Variants in ARHGAP23 observed in about 807,000 individuals in gnomAD.
ARHGAP23 encodes the protein Rho GTPase activating protein 23.
Under a neutral mutation model 136.3 loss-of-function variants are expected in ARHGAP23, and 34 were observed. The observed-to-expected ratio is 0.25, with a 90% CI of 0.19 to 0.33. The LOEUF (loss-of-function observed/expected upper bound fraction) is 0.33, where lower values mean the gene tolerates loss of function less well. Among genes scored for constraint, ARHGAP23 ranks in the 10% least tolerant of loss-of-function variants. ARHGAP23 has a pLI of 1.00. For missense variants in ARHGAP23, 1,808 were observed against 2,139.0 expected (o/e 0.85, Z 3.05); for synonymous variants, 832 against 920.5 (o/e 0.90, Z 1.74).
chr17:38,482,620 T>A lies in ARHGAP23; in HGVS notation c.2849T>A (p.Val950Glu). 1 of 1,549,654 alleles carries A rather than the reference T, an allele frequency of 6.5e-7. No homozygotes were observed. Among genetic ancestry groups the A allele is most frequent in the Non-Finnish European group, 8.7e-7 (1 of 1,146,688 alleles). Residue 950 changes from valine to glutamate, a missense_variant, in exon 16 of 24, where the codon GTG becomes GAG. By Grantham distance (121) the Val-to-Glu change is moderately radical. This residue lies in a region of ARHGAP23 where 105 missense variants were observed against 200.6 expected (regional missense o/e 0.52). Transcript: ENST00000622683. ...IYRVPGNNAV[V>E]SSLQEQLNRG... is the part of the protein sequence containing the mutation. The stretch of plus-strand genomic sequence containing the variant: ...CGAGTGCCCGGCAACAATGCAGTGG[T>A]GTCCAGCCTACAGGAGCAGCTCAAC...
At chr17:38,485,916 G>A in intron 16 of ARHGAP23, 146 bp from the exon 17 acceptor site, 1 of 698,746 alleles carries the variant, frequency 1.4e-6, no homozygotes, top group Non-Finnish European at 2.4e-6. Context: ...CAGTTCTGCT[G>A]CCACCATCCT....
intron 1 of ARHGAP23, among the ~76,000 whole-genome samples, chr17:38,420,007 C>T (rs1193118580): frequency 6.6e-6 from 1 of 152,166 alleles, no homozygotes; most frequent in African/African-American, 2.4e-5. Flanking sequence ...TCCAAATGCA[C>T]CCCAAAGGCA....
chr17:38,419,336 C>T (rs1315501063), exon 1 of ARHGAP23: 2 of 151,824 alleles, frequency 1.3e-5, no homozygotes, highest in South Asian at 4.0e-4. Context: ...GAGGGGCCGC[C>T]TCCCCCTGCG....
At chr17:38,469,482 C>A (rs1276965561) in intron 8 of ARHGAP23, 42 bp from the exon 9 acceptor site, 7 of 1,528,904 alleles carry the variant, frequency 4.6e-6, no homozygotes, top group Non-Finnish European at 6.2e-6. Flanking sequence ...CCCTGACCTG[C>A]TGCCCCGCTG....
At chr17:38,507,787 G>A (rs527584072) in intron 23 of ARHGAP23, among the ~76,000 whole-genome samples, 5 of 152,318 alleles carry the variant, frequency 3.3e-5, no homozygotes, top group African/African-American at 1.2e-4. Flanking sequence ...GGAGCCACAT[G>A]CCTGTGACTC....
At position 38,510,902 on chromosome 17, in the gene ARHGAP23, G is replaced by A. The variant is rs1355179208; in HGVS notation, c.4406G>A (p.Gly1469Glu). The part of the protein sequence containing the change: ...SSAASQPPAP[G>E]DTGSLQSQPP... ...GCTGCCTCGCAGCCGCCCGCGCCCG[G>A]GGACACGGGGTCCCTGCAGAGCCAG... Residue 1469 changes from glycine (G) to glutamate (E), a missense_variant, in exon 24 of 24, where the codon GGG (glycine) becomes GAG (glutamate). By Grantham distance (98) the Gly-to-Glu change is moderately conservative. This residue lies in a region of ARHGAP23 where 506 missense variants were observed against 455.8 expected (regional missense o/e 1.11). Coordinates refer to ENST00000622683, the MANE Select transcript of ARHGAP23 (RefSeq NM_001199417.2). This position sits in a 1 kb window ranked among gnomAD's most constrained non-coding sequence, Gnocchi z 4.6. 22 of 1,490,646 alleles carry A rather than the reference G, an allele frequency of 1.5e-5. No individual in the cohort carries two copies. The highest frequency in any genetic ancestry group is 1.9e-5 in the Non-Finnish European group (21 of 1,129,206). 92.3% of individuals were successfully genotyped at this position (1,490,646 alleles called of 1,614,324 possible). A position where few individuals can be genotyped will look rare whatever the true frequency, so the allele number is the denominator to read the frequency against.
intron 14 of ARHGAP23, among the ~76,000 whole-genome samples, chr17:38,481,170 G>A (rs1484440801): frequency 6.8e-6 from 1 of 146,708 alleles, no homozygotes; most frequent in African/African-American, 2.5e-5. Flanking sequence ...TTTTTGAGAC[G>A]GAGTCTCGCT....
At chr17:38,433,707 C>A (rs2038732465) in intron 1 of ARHGAP23, among the ~76,000 whole-genome samples, 1 of 152,174 alleles carries the variant, frequency 6.6e-6, no homozygotes, top group Non-Finnish European at 1.5e-5. Flanking sequence ...CTGGGAACAT[C>A]AGGGGTTGGC....
intron 23 of ARHGAP23, among the ~76,000 whole-genome samples, chr17:38,501,597 G>A (rs1328244815): frequency 6.6e-6 from 1 of 151,904 alleles, no homozygotes; most frequent in African/African-American, 2.4e-5. Flanking sequence ...CACTGCGCCT[G>A]GCTATAGACC....
At chr17:38,454,937 G>A (rs1220087908) in intron 1 of ARHGAP23, among the ~76,000 whole-genome samples, 1 of 152,194 alleles carries the variant, frequency 6.6e-6, no homozygotes, top group African/African-American at 2.4e-5. Context: ...CATGAGGGTG[G>A]GAGTGTTTGG....
Position 38,510,527 on chromosome 17 carries a change from C to A in ARHGAP23, c.4031C>A (p.Pro1344His). The A allele has an allele frequency of 8.7e-7, 1 of 1,150,112 alleles. No homozygotes were observed. The highest frequency in any genetic ancestry group is 1.1e-6 in the Non-Finnish European group (1 of 938,162). 71.2% of individuals were successfully genotyped at this position (1,150,112 alleles called of 1,614,324 possible). A position where few individuals can be genotyped will look rare whatever the true frequency, so the allele number is the denominator to read the frequency against. The change falls in exon 24 of 24, where the codon CCC becomes CAC. Residue 1344 changes from proline (P) to histidine (H), a missense_variant. Transcript: ENST00000622683. The surrounding 1 kb of genome is among the most constrained non-coding windows in gnomAD (Gnocchi z 4.6). ...GGCGGTCCCCGCGCCCCGGAGCCGC[C>A]CGGCTCGGCGTCGTCCAGCAGCCAG... ...GRGGPRAPEP[P>H]GSASSSSQES...
At chr17:38,498,751 G>A (rs1334449433) in intron 22 of ARHGAP23, among the ~76,000 whole-genome samples, 2 of 152,150 alleles carry the variant, frequency 1.3e-5, no homozygotes, top group Non-Finnish European at 2.9e-5. Flanking sequence ...AGCTTTGTTC[G>A]CCCTCTCTCA....
Position 38,458,486 on chromosome 17 carries a change from G to C in ARHGAP23, c.225+223G>C, listed in dbSNP as rs374179236. On this transcript the variant is annotated intron_variant, in intron 2 of 23. Coordinates refer to ENST00000622683, the MANE Select transcript of ARHGAP23 (RefSeq NM_001199417.2). ...ACTGTGTGACCGTGGACAAACACTT[G>C]AATCACTGTGGCCTGGGGCTTCTCA... 1.1e-4 allele frequency among the ~76,000 whole-genome samples: 17 copies of C among 152,304 alleles called. No homozygotes were observed. The East Asian group carries it at 1.5e-3, about 14-fold the overall frequency.
chr17:38,490,540 G>C lies in ARHGAP23; in HGVS notation c.3139G>C (p.Glu1047Gln), dbSNP rs1379260981. The change falls in exon 19 of 24, where the codon GAG becomes CAG. Residue 1047 changes from glutamate (E) to glutamine (Q), a missense_variant. Glu to Gln is a conservative substitution (Grantham distance 29). This residue lies in a region of ARHGAP23 where 105 missense variants were observed against 200.6 expected (regional missense o/e 0.52). Transcript: ENST00000622683. The part of the protein sequence containing the change: ...GHLKTIADHS[E>Q]KNKMEPRNLA... The stretch of plus-strand genomic sequence containing the variant: ...TCTCAAGACCATCGCTGACCACTCT[G>C]AGAAAAACAAGGTGGGTAGGAGTCC... The C allele has an allele frequency of 3.2e-6, 5 of 1,546,048 alleles. No homozygotes were observed. In the African/African-American group the frequency reaches 6.9e-5, roughly 21 times the overall value.
At chr17:38,490,739 C>T (rs1425526312) in intron 19 of ARHGAP23, among the ~76,000 whole-genome samples, 188 bp downstream of exon 19, 1 of 152,208 alleles carries the variant, frequency 6.6e-6, no homozygotes, top group Non-Finnish European at 1.5e-5. Context: ...AGAGAGCCAT[C>T]TCCTGAGTTT....
intron 23 of ARHGAP23, among the ~76,000 whole-genome samples, chr17:38,509,444 T>C (rs1388137905): frequency 6.6e-6 from 1 of 152,012 alleles, no homozygotes; most frequent in Non-Finnish European, 1.5e-5. Flanking sequence ...GGCCTGTAGA[T>C]GCTGGGCAGG....
At chr17:38,435,971 G>A (rs796449017) in intron 1 of ARHGAP23, among the ~76,000 whole-genome samples, 22 of 152,304 alleles carry the variant, frequency 1.4e-4, no homozygotes, top group African/African-American at 5.3e-4. Flanking sequence ...CAAGAGAGGT[G>A]GAGGAGGGGG....
chr17:38,443,903 G>GA (rs2038974122), intron 1 of ARHGAP23, among the ~76,000 whole-genome samples: 1 of 152,098 alleles, frequency 6.6e-6, no homozygotes, highest in Non-Finnish European at 1.5e-5. Context: ...ACTCCTGGGG[G>GA]GCGGGGGGCA....
chr17:38,447,284 A>C (rs2039054617), intron 1 of ARHGAP23, among the ~76,000 whole-genome samples: 1 of 151,854 alleles, frequency 6.6e-6, no homozygotes, highest in African/African-American at 2.4e-5. Context: ...TCCACTGAAA[A>C]TACAAAATTT....
Sources: gnomAD v4.1 joint callset for allele counts (sites outside exome capture counted in the v4.1 genomes callset) on GRCh38, gnomAD v4.1.1 for gene constraint, gnomAD v4.1.1 regional missense constraint, Gnocchi (gnomAD v3.1) non-coding constraint, MANE v1.5 for transcripts, NCBI Gene and HGNC (gene_info 2026-07-23, HGNC 2026-07-21) for gene names.